The following PPFIA2 variants were observed in gnomAD, a reference collection of about 807,000 sequenced individuals.
PPFIA2 encodes the protein PPFI scaffold protein A2.
Under a neutral mutation model 175.5 loss-of-function variants are expected in PPFIA2, and 46 were observed. The ratio of observed to expected loss-of-function variants is 0.26; its 90% CI spans 0.21 to 0.34. The LOEUF is 0.34. Among genes scored for constraint, PPFIA2 ranks in the 10% least tolerant of loss-of-function variants. PPFIA2 has a pLI of 1.00. For missense variants in PPFIA2, 1,179 were observed against 1,506.1 expected (o/e 0.78, Z 3.60); for synonymous variants, 568 against 511.4 (o/e 1.11, Z -1.49).
intron 4 of PPFIA2, among the ~76,000 whole-genome samples, chr12:81,498,809 G>C (rs374968285): frequency 2.2e-4 from 34 of 152,136 alleles, no homozygotes; most frequent in African/African-American, 7.9e-4. Context: ...ATATTTTGTA[G>C]AGACGGGGTT....
At chr12:81,582,730 G>GT (rs1191562421) in intron 4 of PPFIA2, among the ~76,000 whole-genome samples, 1 of 151,396 alleles carries the variant, frequency 6.6e-6, no homozygotes, top group African/African-American at 2.4e-5. Context: ...ATTTTACAAG[G>GT]TAAAAAAAAA....
intron 7 of PPFIA2, among the ~76,000 whole-genome samples, chr12:81,432,213 T>G (rs992939959): frequency 3.3e-5 from 5 of 152,160 alleles, no homozygotes; most frequent in African/African-American, 1.2e-4. Flanking sequence ...CTTCCGAACT[T>G]CATTCATCTT....
At chr12:81,286,618 C>T (rs2043492385) in intron 24 of PPFIA2, among the ~76,000 whole-genome samples, 1 of 151,882 alleles carries the variant, frequency 6.6e-6, no homozygotes, top group African/African-American at 2.4e-5. Flanking sequence ...ATGGTACTCT[C>T]AAAACGAAGA....
At chr12:81,468,891 AC>A (rs748912287) in intron 4 of PPFIA2, among the ~76,000 whole-genome samples, 25 of 144,090 alleles carry the variant, frequency 1.7e-4, no homozygotes, top group Non-Finnish European at 3.1e-4. Context: ...GAAGTTTATC[AC>A]TGGGGGGTGG....
intron 7 of PPFIA2, among the ~76,000 whole-genome samples, chr12:81,424,380 A>C (rs532149638): frequency 6.6e-6 from 1 of 152,186 alleles, no homozygotes; most frequent in Non-Finnish European, 1.5e-5. Context: ...GTGTTTACAT[A>C]TAAAATACAT....
chr12:81,451,163 G>A lies in PPFIA2; in HGVS notation c.406-5443C>T, dbSNP rs950433391. On this transcript the variant is annotated intron_variant, in intron 5 of 32. Transcript: ENST00000549396. ...TATACACACACGCATGCATGTTTGTGTGTGAATATATATATATAATGTACA... is the reference window on the plus strand; with the variant it reads ...TATACACACACGCATGCATGTTTGTATGTGAATATATATATATAATGTACA... Among the ~76,000 whole-genome samples, 6 of 151,962 alleles carry A rather than the reference G, an allele frequency of 3.9e-5. No homozygotes were observed. In the East Asian group the frequency reaches 5.8e-4, roughly 15 times the overall value.
rs556645998 is a variant in PPFIA2 at position 81,574,285 on chromosome 12, A to C, written c.303+102506T>G. 2.0e-5 allele frequency among the ~76,000 whole-genome samples: 3 copies of C among 151,958 alleles called. No homozygotes were observed. The South Asian group carries it at 6.2e-4, about 32-fold the overall frequency. ...GAGAATTGATGGGACATTCTGGATA[A>C]GATTCTATTTAATAGCAAAAGATGA... On this transcript the variant is annotated intron_variant, in intron 4 of 32. Coordinates refer to ENST00000549396, the MANE Select transcript of PPFIA2 (RefSeq NM_003625.5).
intron 21 of PPFIA2, among the ~76,000 whole-genome samples, chr12:81,331,928 TAG>T (rs1241010337): frequency 1.3e-5 from 2 of 152,184 alleles, no homozygotes; most frequent in African/African-American, 2.4e-5. Context: ...TAATTATTAG[TAG>T]AGCTCTGTGA....
At chr12:81,413,099 A>G (rs2044294040) in intron 7 of PPFIA2, among the ~76,000 whole-genome samples, 1 of 151,926 alleles carries the variant, frequency 6.6e-6, no homozygotes, top group African/African-American at 2.4e-5. Context: ...GCAAGTGATT[A>G]TCACAACTGG....
intron 4 of PPFIA2, among the ~76,000 whole-genome samples, chr12:81,660,422 C>T (rs561635392): frequency 1.1e-4 from 16 of 152,058 alleles, no homozygotes; most frequent in East Asian, 5.8e-4. Flanking sequence ...GTAGCTGATT[C>T]GATCAACTGG....
chr12:81,392,644 T>A (rs1327339692), intron 8 of PPFIA2, among the ~76,000 whole-genome samples: 1 of 151,980 alleles, frequency 6.6e-6, no homozygotes, highest in Non-Finnish European at 1.5e-5. Flanking sequence ...TCCTAAAATT[T>A]TTATCTCTAT....
In PPFIA2 at chr12:81,482,109, T is replaced by A. The variant is rs532999614; in HGVS notation, c.304-24243A>T. On this transcript the variant is annotated intron_variant, in intron 4 of 32. Coordinates refer to ENST00000549396, the MANE Select transcript of PPFIA2 (RefSeq NM_003625.5). ...AACAGACACTTCTCAAAAGAAGACA[T>A]TTATGCGGCCAACAAACATGAAAAA... 2.0e-5 allele frequency among the ~76,000 whole-genome samples: 3 copies of A among 152,184 alleles called. No individual in the cohort carries two copies. In the East Asian group the frequency reaches 5.8e-4, roughly 29 times the overall value.
chr12:81,363,113 A>T (rs912106894), intron 14 of PPFIA2, among the ~76,000 whole-genome samples: 1 of 151,486 alleles, frequency 6.6e-6, no homozygotes, highest in African/African-American at 2.4e-5. Context: ...AAATAAAGAA[A>T]ATGTCTTATT....
At chr12:81,653,637 T>G (rs1337074387) in intron 4 of PPFIA2, among the ~76,000 whole-genome samples, 1 of 152,042 alleles carries the variant, frequency 6.6e-6, no homozygotes, top group Non-Finnish European at 1.5e-5. Context: ...TTTCAAGATC[T>G]TTAACTAATG....
At chr12:81,601,011 T>C (rs1346383510) in intron 4 of PPFIA2, among the ~76,000 whole-genome samples, 1 of 151,986 alleles carries the variant, frequency 6.6e-6, no homozygotes, top group Non-Finnish European at 1.5e-5. Flanking sequence ...TATAATCTCA[T>C]GTATTTGCTG....
intron 7 of PPFIA2, among the ~76,000 whole-genome samples, chr12:81,429,826 A>C (rs1192813093): frequency 2.6e-5 from 4 of 152,104 alleles, no homozygotes; most frequent in African/African-American, 9.7e-5. Flanking sequence ...AGAGCTGTGA[A>C]ATACTGGCTT....
intron 22 of PPFIA2, among the ~76,000 whole-genome samples, chr12:81,321,031 T>C (rs1177443624): frequency 7.7e-6 from 1 of 129,666 alleles, no homozygotes; most frequent in Non-Finnish European, 1.6e-5. Context: ...ACACCAAAGA[T>C]AAAGCAAAAA....
chr12:81,462,115 T>C (rs1377888315), intron 4 of PPFIA2, among the ~76,000 whole-genome samples: 1 of 151,572 alleles, frequency 6.6e-6, no homozygotes, highest in Non-Finnish European at 1.5e-5. Context: ...TTTAAATTTT[T>C]CTAAGTGAGA....
rs1405126548 is a variant in PPFIA2, at chr12:81,384,212, A to G, written c.795T>C (p.Asp265=). ...GTAGTTCAACTATTTGACTAGTTTCATCGGTTGAGTCTATAGAACCATTGG... is the reference window on the plus strand; with the variant it reads ...GTAGTTCAACTATTTGACTAGTTTCGTCGGTTGAGTCTATAGAACCATTGG... ...RLSNGSIDST[D]ETSQIVELQE... is the part of the protein sequence containing the mutation. Residue 265 remains aspartate (D), a synonymous_variant, in exon 9 of 33, where the codon GAT becomes GAC. Coordinates refer to ENST00000549396, the MANE Select transcript of PPFIA2 (RefSeq NM_003625.5). 9.4e-6 allele frequency: 15 copies of G among 1,601,248 alleles called. No individual in the cohort carries two copies. Among genetic ancestry groups the G allele is most frequent in the Non-Finnish European group, 1.3e-5 (15 of 1,172,480 alleles).
Sources: gnomAD v4.1 joint callset for allele counts (sites outside exome capture counted in the v4.1 genomes callset) on GRCh38, gnomAD v4.1.1 for gene constraint, MANE v1.5 for transcripts, NCBI Gene and HGNC (gene_info 2026-07-23, HGNC 2026-07-21) for gene names.